Variants in PDE11A observed in about 807,000 individuals in gnomAD.
The protein encoded by PDE11A is dual 3',5'-cyclic-AMP and -GMP phosphodiesterase 11A.
Under a neutral mutation model 100.5 loss-of-function variants are expected in PDE11A, and 100 were observed. The ratio of observed to expected loss-of-function variants is 1.00; its 90% CI spans 0.85 to 1.18. The LOEUF (loss-of-function observed/expected upper bound fraction) is 1.18, where lower values mean the gene tolerates loss of function less well. Ranked by LOEUF, PDE11A falls within the 50% of genes most tolerant of loss-of-function variation. PDE11A has a pLI of 0.00. For missense variants in PDE11A, 1,141 were observed against 1,152.6 expected, an observed-to-expected ratio of 0.99 and a Z score of 0.15; for synonymous variants, 381 against 420.8, an observed-to-expected ratio of 0.91 and a Z score of 1.16.
intron 9 of PDE11A, among the ~76,000 whole-genome samples, chr2:177,814,744 A>G (rs1384841760): frequency 6.6e-6 from 1 of 152,222 alleles, no homozygotes; most frequent in Non-Finnish European, 1.5e-5. Flanking sequence ...GGTGTTCACT[A>G]TGAACTGAAA....
In PDE11A at chr2:177,926,800, A is replaced by G. The variant is rs187175247; in HGVS notation, c.1072-21613T>C. 4.6e-5 allele frequency: 7 copies of G among 152,056 alleles called. No individual in the cohort carries two copies. In the South Asian group the frequency reaches 6.3e-4, roughly 14 times the overall value. The allele number at this position is 152,056 out of a possible 1,614,324, so 9.4% of individuals were successfully genotyped here. ...CCACTATTCAGATATTTTGGGGCCT[A>G]TGTACTTAAAATCCTGGCTCATTCT... On this transcript the variant is annotated intron_variant, in intron 2 of 19. Coordinates refer to ENST00000286063, the MANE Select transcript of PDE11A (RefSeq NM_016953.4).
intron 2 of PDE11A, among the ~76,000 whole-genome samples, chr2:177,960,674 A>T (rs2085620899): frequency 6.6e-6 from 1 of 152,014 alleles, no homozygotes; most frequent in Non-Finnish European, 1.5e-5. Context: ...AGAAAAAAAA[A>T]TGAAGCACAT....
intron 5 of PDE11A, among the ~76,000 whole-genome samples, chr2:177,873,683 C>T (rs1039992507): frequency 6.6e-6 from 1 of 152,188 alleles, no homozygotes; most frequent in African/African-American, 2.4e-5. Flanking sequence ...CTCTCTCCAT[C>T]TCCTGTCCCT....
In PDE11A at chr2:177,935,265, C is replaced by T. The variant is rs143957221; in HGVS notation, c.1072-30078G>A. On this transcript the variant is annotated intron_variant, in intron 2 of 19. Coordinates refer to ENST00000286063, the MANE Select transcript of PDE11A (RefSeq NM_016953.4). ...ATGGCCCTCCACCTTTTACCAACAC[C>T]TCAACTCTTACCCACCACTACTTAC... Among the ~76,000 whole-genome samples, 411 of 152,240 alleles carry T rather than the reference C, an allele frequency of 2.7e-3. 7 individuals carry two copies. Among genetic ancestry groups the T allele is most frequent in the African/African-American group, 9.7e-3 (403 of 41,526 alleles).
chr2:177,645,249 A>C (rs1346480279), intron 19 of PDE11A, among the ~76,000 whole-genome samples: 1 of 152,156 alleles, frequency 6.6e-6, no homozygotes, highest in Non-Finnish European at 1.5e-5. Context: ...GCAGTGGCAC[A>C]AACTTGGCTC....
intron 5 of PDE11A, among the ~76,000 whole-genome samples, chr2:177,863,749 G>T (rs1246100322): frequency 6.6e-6 from 1 of 151,986 alleles, no homozygotes; most frequent in Admixed American, 6.6e-5. Flanking sequence ...TGGGAATATA[G>T]ATTGGTACAA....
At chr2:177,886,288 A>G (rs1444650598) in intron 4 of PDE11A, among the ~76,000 whole-genome samples, 1 of 152,234 alleles carries the variant, frequency 6.6e-6, no homozygotes, top group Non-Finnish European at 1.5e-5. Flanking sequence ...CCATTGACAA[A>G]ATCACTTAAA....
At chr2:177,784,344 C>G (rs954950057) in intron 9 of PDE11A, among the ~76,000 whole-genome samples, 1 of 151,662 alleles carries the variant, frequency 6.6e-6, no homozygotes, top group Non-Finnish European at 1.5e-5. Context: ...GAAACTCCAC[C>G]AACATCATAA....
chr2:177,691,195 T>C (rs1049959984), intron 15 of PDE11A, among the ~76,000 whole-genome samples: 1 of 152,150 alleles, frequency 6.6e-6, no homozygotes. Context: ...TGAGGATCAG[T>C]GCTAAACTGT....
At chr2:177,640,022 G>T (rs2080115963) in intron 19 of PDE11A, among the ~76,000 whole-genome samples, 1 of 152,130 alleles carries the variant, frequency 6.6e-6, no homozygotes, top group South Asian at 2.1e-4. Flanking sequence ...AGAAAAAAAA[G>T]GACAAAGAGA....
Position 177,688,698 on chromosome 2 carries a change from G to A in PDE11A, c.2346-7795C>T, listed in dbSNP as rs141914471. 7.7e-4 allele frequency among the ~76,000 whole-genome samples: 117 copies of A among 152,278 alleles called. 2 individuals are homozygous for A. Among genetic ancestry groups the A allele is most frequent in the African/African-American group, 2.8e-3 (117 of 41,560 alleles). On this transcript the variant is annotated intron_variant, in intron 15 of 19. Coordinates refer to ENST00000286063, the MANE Select transcript of PDE11A (RefSeq NM_016953.4). The stretch of plus-strand genomic sequence containing the variant: ...TTATAATCAGATATGTTTTTATTAG[G>A]CTTTCATCCTGCTCGCCTGACATAT...
rs574523271 is a variant in PDE11A, at chr2:178,050,223, AT to A, written c.912+21302del. On this transcript the variant is annotated intron_variant, in intron 1 of 19. Transcript: ENST00000286063. Reference sequence around the variant, plus strand: ...TGCGGTTCTGCAGCCTCTGCTGGTGATACCCAGGCAAACAGGGTCTGGGGTG... The same window carrying A: ...TGCGGTTCTGCAGCCTCTGCTGGTGAACCCAGGCAAACAGGGTCTGGGGTG... Among the ~76,000 whole-genome samples the A allele has an allele frequency of 1.1e-3, 162 of 152,324 alleles. 2 individuals are homozygous for A. Among genetic ancestry groups the A allele is most frequent in the African/African-American group, 3.6e-3 (150 of 41,572 alleles).
intron 2 of PDE11A, among the ~76,000 whole-genome samples, chr2:178,080,922 T>C (rs1241168196): frequency 6.6e-6 from 1 of 152,138 alleles, no homozygotes; most frequent in Non-Finnish European, 1.5e-5. Flanking sequence ...AATAAGCATT[T>C]TTTAAAAATA....
intron 1 of PDE11A, among the ~76,000 whole-genome samples, chr2:178,017,213 T>G (rs916236694): frequency 6.6e-6 from 1 of 152,288 alleles, no homozygotes; most frequent in Non-Finnish European, 1.5e-5. Flanking sequence ...CTCTTTGGCA[T>G]GTATGTAGAG....
At chr2:177,873,549 A>G (rs2084179349) in intron 5 of PDE11A, among the ~76,000 whole-genome samples, 1 of 152,232 alleles carries the variant, frequency 6.6e-6, no homozygotes, top group Non-Finnish European at 1.5e-5. Context: ...ATTAACAGTC[A>G]GTAAAATTCA....
At chr2:177,862,443 C>T (rs534257901) in intron 5 of PDE11A, among the ~76,000 whole-genome samples, 106 of 151,850 alleles carry the variant, frequency 7.0e-4, no homozygotes, top group African/African-American at 2.3e-3. Context: ...CTGGAATCTC[C>T]TAAGATTCCA....
chr2:177,684,489 C>T (rs771447470), intron 15 of PDE11A, among the ~76,000 whole-genome samples: 1 of 152,212 alleles, frequency 6.6e-6, no homozygotes, highest in Non-Finnish European at 1.5e-5. Context: ...TGTACTTGAA[C>T]CACTCACCTC....
At chr2:177,919,509 T>C (rs2085006735) in intron 2 of PDE11A, among the ~76,000 whole-genome samples, 1 of 152,184 alleles carries the variant, frequency 6.6e-6, no homozygotes, top group African/African-American at 2.4e-5. Context: ...TTGTTCAATG[T>C]TTCAAGATCA....
intron 19 of PDE11A, among the ~76,000 whole-genome samples, chr2:177,631,542 TATATA>T (rs2079936193): frequency 3.4e-5 from 1 of 29,330 alleles, no homozygotes; most frequent in Non-Finnish European, 5.8e-5. Flanking sequence ...TATATATATA[TATATA>T]CACATGTATA....
Sources: gnomAD v4.1 joint callset for allele counts (sites outside exome capture counted in the v4.1 genomes callset) on GRCh38, gnomAD v4.1.1 for gene constraint, MANE v1.5 for transcripts, NCBI Gene and HGNC (gene_info 2026-07-23, HGNC 2026-07-21) for gene names.